ZNF565: variants seen among roughly 807,000 people sequenced by gnomAD.
ZNF565 encodes zinc finger protein 565.
ZNF565 carries 27 observed loss-of-function variants against 39.4 expected under a neutral mutation model. The ratio of observed to expected loss-of-function variants is 0.69; its 90% confidence interval spans 0.51 to 0.95. The LOEUF (loss-of-function observed/expected upper bound fraction) is 0.95. ZNF565 is among the 40% of genes least tolerant of loss of function. The pLI is 0.00. For missense variants in ZNF565, 524 were observed against 621.1 expected (o/e 0.84, Z 1.66); for synonymous variants, 185 against 216.6 (o/e 0.85, Z 1.28).
At chr19:36,198,124 C>T (rs889897686) in intron 2 of ZNF565, among the ~76,000 whole-genome samples, 3 of 150,582 alleles carry the variant, frequency 2.0e-5, no homozygotes, top group African/African-American at 7.3e-5. Flanking sequence ...AATGAAATTC[C>T]GTTTAAAAAA....
intron 1 of ZNF565, among the ~76,000 whole-genome samples, chr19:36,205,641 G>T (rs1443396377): frequency 1.3e-5 from 2 of 151,590 alleles, no homozygotes; most frequent in African/African-American, 4.9e-5. Context: ...TTTTGGAGAG[G>T]TGTAACCTTG....
At chr19:36,220,845 T>C (rs1470733471) in intron 1 of ZNF565, among the ~76,000 whole-genome samples, 1 of 144,744 alleles carries the variant, frequency 6.9e-6, no homozygotes, top group African/African-American at 2.6e-5. Flanking sequence ...TTTTTGTTCT[T>C]AAAATGCATC....
chr19:36,212,388 G>C (rs1274752698), intron 1 of ZNF565, among the ~76,000 whole-genome samples: 1 of 152,090 alleles, frequency 6.6e-6, no homozygotes, highest in Non-Finnish European at 1.5e-5. Context: ...GAGGGAGGAG[G>C]ATCACTTGAG....
intron 1 of ZNF565, among the ~76,000 whole-genome samples, chr19:36,209,069 C>G (rs1210756431): frequency 1.3e-5 from 2 of 152,060 alleles, no homozygotes; most frequent in Non-Finnish European, 2.9e-5. Flanking sequence ...TGGGCTCAAA[C>G]AATTTTCCCA....
At chr19:36,218,953 C>T (rs1000395278), upstream of ZNF565, among the ~76,000 whole-genome samples, 9 of 151,316 alleles carry the variant, frequency 5.9e-5, no homozygotes, top group African/African-American at 9.7e-5. Flanking sequence ...GGACTACGGG[C>T]GCCCACCACC....
chr19:36,210,122 A>T (rs1408323430), intron 1 of ZNF565, among the ~76,000 whole-genome samples: 4 of 151,404 alleles, frequency 2.6e-5, no homozygotes, highest in East Asian at 3.9e-4. Context: ...AATTATATTT[A>T]AAAAAAAGGA....
intron 1 of ZNF565, among the ~76,000 whole-genome samples, chr19:36,242,791 T>C (rs1352845047): frequency 6.6e-6 from 1 of 152,222 alleles, no homozygotes; most frequent in South Asian, 2.1e-4. Flanking sequence ...AAAAAAGATA[T>C]ACAGGTGTCC....
rs763500170 is a variant in ZNF565 at position 36,183,046 on chromosome 19, T to C, written c.920A>G (p.Tyr307Cys). Residue 307 changes from tyrosine to cysteine, a missense_variant, in exon 5 of 5, where the codon TAT becomes TGT. Physicochemically the swap from Tyr to Cys is radical, Grantham distance 194. Coordinates refer to ENST00000304116, the MANE Select transcript of ZNF565 (RefSeq NM_152477.5). Reference sequence around the variant, plus strand: ...GGCTTTCCCGCATTCTTTACACTCATAGGGTCTGGCCCCTGTGTGGATTCT... The same window carrying C: ...GGCTTTCCCGCATTCTTTACACTCACAGGGTCTGGCCCCTGTGTGGATTCT... ...HRRIHTGARP[Y>C]ECKECGKAFR... 1.9e-6 allele frequency: 3 copies of C among 1,614,194 alleles called. No homozygotes were observed. The highest frequency in any genetic ancestry group is 1.3e-5 in the African/African-American group (1 of 75,044).
intron 4 of ZNF565, among the ~76,000 whole-genome samples, chr19:36,184,351 C>T (rs564550120): frequency 5.3e-5 from 8 of 151,942 alleles, no homozygotes; most frequent in African/African-American, 1.7e-4. Flanking sequence ...ACGCAACCTC[C>T]GCCTCTTGGG....
chr19:36,233,862 A>G (rs1977513683), intron 1 of ZNF565, among the ~76,000 whole-genome samples: 1 of 152,114 alleles, frequency 6.6e-6, no homozygotes, highest in South Asian at 2.1e-4. Context: ...TCTTATCTCA[A>G]CTGCAAAGAG....
At chr19:36,229,488 C>T (rs2438517) in intron 1 of ZNF565, among the ~76,000 whole-genome samples, 53,016 of 152,064 alleles carry the variant, frequency 0.35, 9,673 homozygotes, top group Middle Eastern at 0.48. Context: ...CTCCTCTTAA[C>T]TCTTGACTCT....
upstream of ZNF565, among the ~76,000 whole-genome samples, chr19:36,217,423 A>G (rs1976658282): frequency 6.6e-6 from 1 of 152,074 alleles, no homozygotes; most frequent in Non-Finnish European, 1.5e-5. Context: ...AAAACAGTTC[A>G]TGCCCATCAG....
At chr19:36,214,015 A>T (rs145320408) in intron 1 of ZNF565, among the ~76,000 whole-genome samples, 32 of 152,122 alleles carry the variant, frequency 2.1e-4, no homozygotes, top group Non-Finnish European at 4.1e-4. Context: ...CACTCAGGGG[A>T]CACACGCCAT....
At chr19:36,207,542 CAAAA>C in intron 1 of ZNF565, among the ~76,000 whole-genome samples, 1 of 145,540 alleles carries the variant, frequency 6.9e-6, no homozygotes, top group South Asian at 2.2e-4. Context: ...CCATCTCAAA[CAAAA>C]AAAAAAATAC....
intron 1 of ZNF565, chr19:36,237,388 A>G (rs4806293): frequency 0.21 from 315,169 of 1,509,494 alleles, 34,271 homozygotes; most frequent in Non-Finnish European, 0.22. Flanking sequence ...TGCCCCAGAA[A>G]TAATCCTTCT....
At chr19:36,186,348 G>A (rs1975299317) in intron 4 of ZNF565, among the ~76,000 whole-genome samples, 1 of 152,028 alleles carries the variant, frequency 6.6e-6, no homozygotes, top group Non-Finnish European at 1.5e-5. Context: ...CTAAACACAC[G>A]CCTTTATCCT....
At chr19:36,182,274 G>A (rs1975112508), downstream of ZNF565, 1 of 455,586 alleles carries the variant, frequency 2.2e-6, no homozygotes, top group Non-Finnish European at 3.8e-6. Flanking sequence ...TGATGCTTAG[G>A]AAACAGTGAG....
At chr19:36,206,950 G>A (rs373952215) in intron 1 of ZNF565, among the ~76,000 whole-genome samples, 7 of 152,296 alleles carry the variant, frequency 4.6e-5, no homozygotes, top group South Asian at 2.1e-4. Context: ...CTGAGAAGGT[G>A]ACAGGTAAGC....
At chr19:36,213,689 A>AAT (rs1274120628) in intron 1 of ZNF565, among the ~76,000 whole-genome samples, 9 of 133,288 alleles carry the variant, frequency 6.8e-5, no homozygotes, top group African/African-American at 2.6e-4. Context: ...CCAGCCATTA[A>AAT]TTTTTTTTTT....
Sources: allele counts gnomAD v4.1 joint callset (sites outside exome capture counted in the v4.1 genomes callset), GRCh38; gene constraint gnomAD v4.1.1; transcripts MANE v1.5; gene names NCBI Gene and HGNC (gene_info 2026-07-23, HGNC 2026-07-21).